Variants in NELL1 observed in about 807,000 individuals in gnomAD.
NELL1 encodes the protein protein kinase C-binding protein NELL1.
Under a neutral mutation model 107.4 loss-of-function variants are expected in NELL1, and 76 were observed. That is an observed-to-expected ratio of 0.71 (90% CI 0.59 to 0.86). The LOEUF (loss-of-function observed/expected upper bound fraction) is 0.86. Ranked by LOEUF, NELL1 falls within the 40% of genes least tolerant of loss-of-function variation. NELL1 has a pLI of 0.00. For missense variants in NELL1, 1,024 were observed against 1,005.5 expected, an observed-to-expected ratio of 1.02 and a Z score of -0.25; for synonymous variants, 353 against 341.2, an observed-to-expected ratio of 1.03 and a Z score of -0.38.
intron 17 of NELL1, among the ~76,000 whole-genome samples, chr11:21,567,628 A>C (rs2134009780): frequency 6.6e-6 from 1 of 151,898 alleles, no homozygotes; most frequent in East Asian, 2.0e-4. Context: ...CATTCTCCTT[A>C]AAGAATATAA....
intron 12 of NELL1, among the ~76,000 whole-genome samples, chr11:21,096,261 T>C (rs1458866493): frequency 1.3e-5 from 2 of 152,154 alleles, no homozygotes; most frequent in Non-Finnish European, 1.5e-5. Flanking sequence ...CACCACACTG[T>C]GTTCTTTGGA....
chr11:21,369,345 T>C (rs1004672596), intron 14 of NELL1, among the ~76,000 whole-genome samples: 4 of 150,156 alleles, frequency 2.7e-5, no homozygotes, highest in African/African-American at 9.8e-5. Context: ...TGTGATGAAC[T>C]TACCATGGTA....
At chr11:20,914,797 A>C (rs1850209474) in intron 5 of NELL1, among the ~76,000 whole-genome samples, 1 of 152,008 alleles carries the variant, frequency 6.6e-6, no homozygotes, top group East Asian at 1.9e-4. Context: ...AAAGCCTTAA[A>C]TTTCTCATAG....
In NELL1 at chr11:21,148,156, T is replaced by C. The variant is rs577976425; in HGVS notation, c.1426+34442T>C. Among the ~76,000 whole-genome samples, 25 of 152,240 alleles carry C rather than the reference T, an allele frequency of 1.6e-4. No homozygotes were observed. In the South Asian group the frequency reaches 5.2e-3, roughly 32 times the overall value. The stretch of plus-strand genomic sequence containing the variant: ...TGTCAAAGAACCTGAAATACTGTTG[T>C]AAAGGGATAAAGATATGAACACATA... On this transcript the variant is annotated intron_variant, in intron 13 of 19. Coordinates refer to ENST00000357134, the MANE Select transcript of NELL1 (RefSeq NM_006157.5).
chr11:21,196,362 GGA>G (rs752641685), intron 13 of NELL1, among the ~76,000 whole-genome samples: 4 of 152,086 alleles, frequency 2.6e-5, no homozygotes, highest in Non-Finnish European at 5.9e-5. Context: ...TGGCCACCTT[GGA>G]GATACCATTT....
chr11:20,671,988 C>A (rs905847053), intron 1 of NELL1, among the ~76,000 whole-genome samples: 16 of 152,232 alleles, frequency 1.1e-4, no homozygotes, highest in African/African-American at 3.9e-4. Context: ...AGGATCTGAC[C>A]CACTGGTTGT....
chr11:20,792,212 G>A (rs893974472), intron 3 of NELL1, among the ~76,000 whole-genome samples: 1 of 151,810 alleles, frequency 6.6e-6, no homozygotes, highest in Non-Finnish European at 1.5e-5. Flanking sequence ...TTTTTTAGAT[G>A]ATCCCCTTTG....
chr11:21,395,068 T>G lies in NELL1; in HGVS notation c.1645+24120T>G, dbSNP rs187482523. Among the ~76,000 whole-genome samples the G allele has an allele frequency of 1.6e-3, 245 of 151,630 alleles. 1 individual carries two copies. Among genetic ancestry groups the G allele is most frequent in the Non-Finnish European group, 2.5e-3 (168 of 67,644 alleles). On this transcript the variant is annotated intron_variant, in intron 15 of 19. Coordinates refer to ENST00000357134, the MANE Select transcript of NELL1 (RefSeq NM_006157.5). ...CTGAAAGTAAATTTCACAGTTCTATTTGTTAATAGCTAGCATGGACAAATT... is the reference window on the plus strand; with the variant it reads ...CTGAAAGTAAATTTCACAGTTCTATGTGTTAATAGCTAGCATGGACAAATT...
intron 2 of NELL1, among the ~76,000 whole-genome samples, chr11:20,712,846 G>A (rs923409801): frequency 6.6e-6 from 1 of 152,222 alleles, no homozygotes; most frequent in Non-Finnish European, 1.5e-5. Flanking sequence ...AGGTCTCCCA[G>A]CTGTGGATAC....
intron 12 of NELL1, among the ~76,000 whole-genome samples, chr11:21,036,680 T>A (rs1853100387): frequency 6.6e-6 from 1 of 152,072 alleles, no homozygotes. Flanking sequence ...AGTTAATGAA[T>A]TCTTCCTTTA....
Position 21,208,019 on chromosome 11 carries a change from C to CT in NELL1, c.1427-21305dup, listed in dbSNP as rs550941434. Among the ~76,000 whole-genome samples, 11 of 152,008 alleles carry CT rather than the reference C, an allele frequency of 7.2e-5. No homozygotes were observed. The East Asian group carries it at 1.2e-3, about 16-fold the overall frequency. On this transcript the variant is annotated intron_variant, in intron 13 of 19. Coordinates refer to ENST00000357134, the MANE Select transcript of NELL1 (RefSeq NM_006157.5). ...CCATCATCTCATATACTTACCCATT[C>CT]TTTTTTTTGTTTTGTTTTTGTGGCA...
At chr11:21,178,608 A>G (rs1367540310) in intron 13 of NELL1, among the ~76,000 whole-genome samples, 6 of 151,406 alleles carry the variant, frequency 4.0e-5, no homozygotes, top group Non-Finnish European at 8.8e-5. Context: ...CTCTACAAAA[A>G]TTTTAAAAAT....
At position 20,944,309 on chromosome 11, in the gene NELL1, G is replaced by A. The variant is rs184182771; in HGVS notation, c.1072-3027G>A. On this transcript the variant is annotated intron_variant, in intron 10 of 19. Transcript: ENST00000357134. ...CTCTTGTTTCAAATATTTTCACCAA[G>A]TGTTTCCAGGAATTAACATAATTTT... Among the ~76,000 whole-genome samples the A allele has an allele frequency of 1.5e-3, 234 of 152,068 alleles. 1 individual carries two copies. Among genetic ancestry groups the A allele is most frequent in the Non-Finnish European group, 1.4e-3 (97 of 67,948 alleles).
intron 13 of NELL1, among the ~76,000 whole-genome samples, chr11:21,213,980 T>C (rs768928154): frequency 2.0e-4 from 31 of 152,176 alleles, no homozygotes; most frequent in Non-Finnish European, 4.4e-4. Flanking sequence ...TAATTCATTG[T>C]CATGAAAATT....
chr11:21,080,662 C>A (rs765514877), intron 12 of NELL1, among the ~76,000 whole-genome samples: 1 of 152,040 alleles, frequency 6.6e-6, no homozygotes, highest in Non-Finnish European at 1.5e-5. Context: ...CCTATCTGTG[C>A]ACATGGTACA....
intron 16 of NELL1, among the ~76,000 whole-genome samples, chr11:21,553,358 C>T (rs1184201186): frequency 6.6e-6 from 1 of 151,788 alleles, no homozygotes; most frequent in African/African-American, 2.4e-5. Flanking sequence ...TGTAAATACT[C>T]ATTAAGGGAG....
At position 21,538,936 on chromosome 11, in the gene NELL1, A is replaced by C. The variant is rs113596238; in HGVS notation, c.1786+4422A>C. ...GATACTGGAGACTACTCAAATTCTT[A>C]TTCTGCTCTTCCTAAATCCTGCATT... On this transcript the variant is annotated intron_variant, in intron 16 of 19. Coordinates refer to ENST00000357134, the MANE Select transcript of NELL1 (RefSeq NM_006157.5). Among the ~76,000 whole-genome samples, 1,462 of 152,146 alleles carry C rather than the reference A, an allele frequency of 9.6e-3. 21 individuals carry two copies. Among genetic ancestry groups the C allele is most frequent in the African/African-American group, 0.034 (1,394 of 41,530 alleles).
At chr11:21,105,780 C>T (rs1565062591) in intron 12 of NELL1, among the ~76,000 whole-genome samples, 1 of 104,650 alleles carries the variant, frequency 9.6e-6, no homozygotes. Flanking sequence ...CCTCTCCCCT[C>T]CCCTCCCCTC....
chr11:21,076,299 C>A (rs1417461449), intron 12 of NELL1, among the ~76,000 whole-genome samples: 2 of 152,234 alleles, frequency 1.3e-5, no homozygotes, highest in Non-Finnish European at 2.9e-5. Flanking sequence ...AGTTCCTCTT[C>A]ATTGGCCCCT....
Sources: allele counts gnomAD v4.1 joint callset (sites outside exome capture counted in the v4.1 genomes callset), GRCh38; gene constraint gnomAD v4.1.1; transcripts MANE v1.5; gene names NCBI Gene and HGNC (gene_info 2026-07-23, HGNC 2026-07-21).